The following RTN3 variants were observed in gnomAD, a reference collection of about 807,000 sequenced individuals.
The protein encoded by RTN3 is reticulon-3.
RTN3 carries 49 observed loss-of-function variants against 77.8 expected under a neutral mutation model. The observed-to-expected ratio is 0.63, with a 90% CI of 0.50 to 0.80. The LOEUF is 0.80. Among genes scored for constraint, RTN3 ranks in the 30% least tolerant of loss-of-function variants. The probability of loss-of-function intolerance (pLI) is 0.00; values close to 1 mark genes in which losing one functional copy is unlikely to be tolerated. For missense variants in RTN3, 1,236 were observed against 1,211.9 expected (o/e 1.02, Z -0.29); for synonymous variants, 464 against 446.9 (o/e 1.04, Z -0.48).
chr11:63,706,812 A>G (rs1220078376), intron 2 of RTN3, among the ~76,000 whole-genome samples: 4 of 152,160 alleles, frequency 2.6e-5, no homozygotes, highest in Non-Finnish European at 5.9e-5. Context: ...TATAAATAGA[A>G]CAAATAATTA....
chr11:63,742,242 G>A (rs976462444), intron 3 of RTN3, among the ~76,000 whole-genome samples: 24 of 151,282 alleles, frequency 1.6e-4, no homozygotes, highest in African/African-American at 4.4e-4. Flanking sequence ...GCCTCCCAAA[G>A]TGCTGGGATT....
intron 1 of RTN3, among the ~76,000 whole-genome samples, chr11:63,695,258 T>G (rs1479304871): frequency 6.6e-6 from 1 of 152,266 alleles, no homozygotes; most frequent in Non-Finnish European, 1.5e-5. Context: ...TTTATTTCAT[T>G]AGATATTTTG....
In RTN3 at chr11:63,719,726, A is replaced by ATC; in HGVS notation, c.1229_1230dup (p.Gln411SerfsTer16). Reference sequence around the variant, plus strand: ...AATCAACAGGTGATTGGGCAGAAGCATCTCTCCAGCAAGAAAATGCTATTA... The same window carrying ATC: ...AATCAACAGGTGATTGGGCAGAAGCATCTCTCTCCAGCAAGAAAATGCTATTA... On this transcript the variant is annotated frameshift_variant, in exon 3 of 9. Transcript: ENST00000377819. LOFTEE classifies it high-confidence loss of function. 6.2e-7 allele frequency: 1 copy of ATC among 1,614,150 alleles called. No homozygotes were observed. The highest frequency in any genetic ancestry group is 2.2e-5 in the East Asian group (1 of 44,882).
intron 3 of RTN3, 50 bp from the exon 4 acceptor site, chr11:63,749,939 CAT>C (rs2014011869): frequency 7.7e-7 from 1 of 1,294,820 alleles, no homozygotes; most frequent in African/African-American, 1.5e-5. Context: ...GTATGCAAGA[CAT>C]AGTAGCTGTG....
chr11:63,748,610 A>G (rs1032918620), intron 3 of RTN3, among the ~76,000 whole-genome samples: 1 of 149,804 alleles, frequency 6.7e-6, no homozygotes, highest in African/African-American at 2.5e-5. Flanking sequence ...TCGGACTCCC[A>G]AAGTGCAGAG....
At chr11:63,712,424 A>G (rs2011184499) in intron 2 of RTN3, among the ~76,000 whole-genome samples, 2 of 151,574 alleles carry the variant, frequency 1.3e-5, no homozygotes, top group Non-Finnish European at 2.9e-5. Context: ...TTTTGATGAG[A>G]TTGGATTAAG....
intron 2 of RTN3, among the ~76,000 whole-genome samples, chr11:63,705,741 T>C (rs972973970): frequency 2.6e-5 from 4 of 152,242 alleles, no homozygotes; most frequent in African/African-American, 7.2e-5. Flanking sequence ...TATGTGACTT[T>C]TGGCAAGCAA....
intron 2 of RTN3, among the ~76,000 whole-genome samples, chr11:63,712,737 C>T (rs945956603): frequency 1.3e-5 from 2 of 151,972 alleles, no homozygotes; most frequent in East Asian, 1.9e-4. Context: ...AGGACCAGCT[C>T]GGCCCCCAAA....
intron 2 of RTN3, among the ~76,000 whole-genome samples, chr11:63,705,903 T>C (rs1437876626): frequency 6.6e-6 from 1 of 152,244 alleles, no homozygotes; most frequent in Non-Finnish European, 1.5e-5. Flanking sequence ...TTTATACTAA[T>C]AATAAAGTAT....
Position 63,759,319 on chromosome 11 carries a change from T to C in RTN3, c.*1118T>C, listed in dbSNP as rs555185214. 1 of 152,556 alleles carries C rather than the reference T, an allele frequency of 6.6e-6. No individual in the cohort carries two copies. Among genetic ancestry groups the C allele is most frequent in the South Asian group, 2.1e-4 (1 of 4,824 alleles). 9.5% of individuals were successfully genotyped at this position (152,556 alleles called of 1,614,324 possible). On this transcript the variant is annotated 3_prime_UTR_variant, in exon 9 of 9. Coordinates refer to ENST00000377819, the MANE Select transcript of RTN3 (RefSeq NM_001265589.2). ...AAAATCATCTGTGAGTTCCTTCAGGTTCTCACTCATAGTCATGATCCTTCA... is the reference window on the plus strand; with the variant it reads ...AAAATCATCTGTGAGTTCCTTCAGGCTCTCACTCATAGTCATGATCCTTCA...
intron 4 of RTN3, 78 bp downstream of exon 4, chr11:63,750,276 C>G: frequency 8.2e-7 from 1 of 1,226,336 alleles, no homozygotes; most frequent in Non-Finnish European, 1.2e-6. Flanking sequence ...AAAACTCAGA[C>G]CTGACTAAAA....
chr11:63,754,138 C>T (rs535795145), intron 7 of RTN3, among the ~76,000 whole-genome samples: 5 of 151,808 alleles, frequency 3.3e-5, no homozygotes, highest in Admixed American at 2.0e-4. Flanking sequence ...AAAAAATAGC[C>T]GGATGCAGTG....
At chr11:63,753,586 G>T in intron 6 of RTN3, 76 bp from the exon 7 acceptor site, 1 of 1,338,730 alleles carries the variant, frequency 7.5e-7, no homozygotes, top group Non-Finnish European at 1.1e-6. Context: ...GAGGAAAAAT[G>T]TATATGTTAC....
intron 1 of RTN3, among the ~76,000 whole-genome samples, chr11:63,687,058 A>G (rs923018879): frequency 3.3e-5 from 5 of 152,220 alleles, no homozygotes; most frequent in African/African-American, 1.2e-4. Flanking sequence ...AAATGTGAAT[A>G]TGTAATTTGT....
intron 3 of RTN3, among the ~76,000 whole-genome samples, chr11:63,741,202 T>C (rs1590873327): frequency 1.4e-5 from 2 of 138,804 alleles, no homozygotes; most frequent in Admixed American, 7.0e-5. Flanking sequence ...TATTTATTTA[T>C]TTATTTATTT....
At chr11:63,686,993 T>A (rs903639679) in intron 1 of RTN3, among the ~76,000 whole-genome samples, 3 of 152,250 alleles carry the variant, frequency 2.0e-5, no homozygotes, top group Non-Finnish European at 4.4e-5. Context: ...GAAACTTAGT[T>A]GTTCTGTGTA....
intron 2 of RTN3, among the ~76,000 whole-genome samples, chr11:63,709,869 G>A (rs1942666185): frequency 6.6e-6 from 1 of 152,138 alleles, no homozygotes; most frequent in Non-Finnish European, 1.5e-5. Context: ...ATTCTTCACT[G>A]ATGTATATAG....
intron 6 of RTN3, among the ~76,000 whole-genome samples, 164 bp from the exon 7 acceptor site, chr11:63,753,498 T>G (rs1386123644): frequency 6.6e-6 from 1 of 152,224 alleles, no homozygotes; most frequent in African/African-American, 2.4e-5. Context: ...TAACACTACC[T>G]TAAATTAGCT....
At chr11:63,745,942 C>G (rs2013768692) in intron 3 of RTN3, among the ~76,000 whole-genome samples, 1 of 152,224 alleles carries the variant, frequency 6.6e-6, no homozygotes. Flanking sequence ...TTCCGAGTAG[C>G]TGGGAGTACA....
Sources: allele counts gnomAD v4.1 joint callset (sites outside exome capture counted in the v4.1 genomes callset), GRCh38; gene constraint gnomAD v4.1.1; transcripts MANE v1.5; gene names NCBI Gene and HGNC (gene_info 2026-07-23, HGNC 2026-07-21).